Variants in CDC14A observed in about 807,000 individuals in gnomAD.
The protein encoded by CDC14A is dual specificity protein phosphatase CDC14A.
In CDC14A, 53 loss-of-function variants were observed where a neutral mutation model predicts 74.4. The ratio of observed to expected loss-of-function variants is 0.71; its 90% CI spans 0.57 to 0.89. The LOEUF (loss-of-function observed/expected upper bound fraction) is 0.89. CDC14A is among the 40% of genes least tolerant of loss of function. The probability of loss-of-function intolerance (pLI) is 0.00; values close to 1 mark genes in which losing one functional copy is unlikely to be tolerated. For missense variants in CDC14A, 646 were observed against 713.7 expected, an observed-to-expected ratio of 0.91 and a Z score of 1.08; for synonymous variants, 247 against 258.4, an observed-to-expected ratio of 0.96 and a Z score of 0.43.
At chr1:100,448,220 T>G (rs921536964) in intron 7 of CDC14A, among the ~76,000 whole-genome samples, 3 of 152,244 alleles carry the variant, frequency 2.0e-5, no homozygotes, top group Admixed American at 6.5e-5. Context: ...GAAAAATGAC[T>G]TCAAAACTGA....
At chr1:100,496,218 A>C in intron 13 of CDC14A, among the ~76,000 whole-genome samples, 169 bp downstream of exon 13, 1 of 77,182 alleles carries the variant, frequency 1.3e-5, no homozygotes, top group East Asian at 3.8e-4. Context: ...CTCACCATGA[A>C]AAGGATTTTT....
rs966562348 is a variant in CDC14A, at chr1:100,469,727, G to T, written c.977+1633G>T. Among the ~76,000 whole-genome samples the T allele has an allele frequency of 1.1e-4, 17 of 152,132 alleles. 1 individual carries two copies. Among genetic ancestry groups the T allele is most frequent in the Admixed American group, 1.0e-3 (16 of 15,274 alleles). The stretch of plus-strand genomic sequence containing the variant: ...CCAGGCATTCTGCTAAGTACAGCTC[G>T]CAAGGTGAGGAGATATAGCAGAGAA... On this transcript the variant is annotated intron_variant, in intron 10 of 15. Coordinates refer to ENST00000336454, the MANE Select transcript of CDC14A (RefSeq NM_003672.4).
At chr1:100,505,248 G>T (rs1348702991) in intron 15 of CDC14A, among the ~76,000 whole-genome samples, 1 of 152,154 alleles carries the variant, frequency 6.6e-6, no homozygotes, top group African/African-American at 2.4e-5. Flanking sequence ...CTTAAATGTA[G>T]TTCTCTTTTC....
intron 15 of CDC14A, among the ~76,000 whole-genome samples, chr1:100,512,444 G>A (rs1451889252): frequency 6.6e-6 from 1 of 152,114 alleles, no homozygotes; most frequent in East Asian, 1.9e-4. Context: ...TTAATATACG[G>A]TAATCTGGGA....
chr1:100,443,087 T>G lies in CDC14A; in HGVS notation c.519+91T>G, dbSNP rs1182175543. 8.4e-6 allele frequency: 7 copies of G among 835,132 alleles called. No homozygotes were observed. In the African/African-American group the frequency reaches 1.2e-4, roughly 14 times the overall value. The allele number at this position is 835,132 out of a possible 1,614,324, so 51.7% of individuals were successfully genotyped here. On this transcript the variant is annotated intron_variant, in intron 7 of 15. Coordinates refer to ENST00000336454, the MANE Select transcript of CDC14A (RefSeq NM_003672.4). ...ACTCATGTATTGCAAATCGAGTGGG[T>G]GCTAAATAAAAGCATTCTGGAGTTT...
intron 6 of CDC14A, among the ~76,000 whole-genome samples, chr1:100,441,795 A>G (rs928283281): frequency 2.6e-5 from 4 of 152,088 alleles, no homozygotes; most frequent in South Asian, 4.1e-4. Context: ...CTGGGCCCCA[A>G]CCACAGCAAA....
At chr1:100,468,390 C>T (rs1399752683) in intron 10 of CDC14A, among the ~76,000 whole-genome samples, 4 of 152,114 alleles carry the variant, frequency 2.6e-5, no homozygotes, top group African/African-American at 9.7e-5. Flanking sequence ...CTTATGACAT[C>T]CCACTTGGCA....
chr1:100,393,512 C>T (rs1156356613), intron 4 of CDC14A: 6 of 764,022 alleles, frequency 7.9e-6, no homozygotes, highest in Non-Finnish European at 1.5e-5. Flanking sequence ...CATTTCTCAT[C>T]ATGTCAGTTT....
chr1:100,412,774 A>ATATATAT (rs1571116065), intron 4 of CDC14A, among the ~76,000 whole-genome samples: 1 of 127,294 alleles, frequency 7.9e-6, no homozygotes, highest in African/African-American at 3.4e-5. Context: ...TATATTATAT[A>ATATATAT]TATATATATA....
chr1:100,400,391 A>T lies in CDC14A; in HGVS notation c.309+9567A>T, dbSNP rs114840692. ...TCAAAATAATAAAGGCATTTACTTTAAATATTTATTGAACCAATAATATAT... is the reference window on the plus strand; with the variant it reads ...TCAAAATAATAAAGGCATTTACTTTTAATATTTATTGAACCAATAATATAT... On this transcript the variant is annotated intron_variant, in intron 4 of 15. Transcript: ENST00000336454. 3.1e-3 allele frequency among the ~76,000 whole-genome samples: 466 copies of T among 152,360 alleles called. 4 individuals are homozygous for T. Among genetic ancestry groups the T allele is most frequent in the African/African-American group, 0.011 (441 of 41,578 alleles).
At chr1:100,421,768 C>G (rs1399922232) in intron 4 of CDC14A, among the ~76,000 whole-genome samples, 1 of 152,172 alleles carries the variant, frequency 6.6e-6, no homozygotes, top group African/African-American at 2.4e-5. Flanking sequence ...AGAGCAACAA[C>G]GCGAGTTTGG....
intron 15 of CDC14A, among the ~76,000 whole-genome samples, chr1:100,501,452 G>T (rs1028293601): frequency 3.3e-5 from 5 of 152,180 alleles, no homozygotes; most frequent in Admixed American, 1.3e-4. Flanking sequence ...GCCTAGTGAC[G>T]TCGTAGCCCT....
chr1:100,485,437 C>A, intron 11 of CDC14A: 1 of 418,264 alleles, frequency 2.4e-6, no homozygotes, highest in South Asian at 9.9e-5. Flanking sequence ...GTGATGTGTG[C>A]CTGTGTGGTC....
At chr1:100,485,133 G>C in intron 11 of CDC14A, 10 of 985,270 alleles carry the variant, frequency 1.0e-5, no homozygotes, top group Non-Finnish European at 1.2e-5. Context: ...TAAGAATTAG[G>C]ATTATGAGCA....
chr1:100,395,696 T>A (rs1045835234), intron 4 of CDC14A, among the ~76,000 whole-genome samples: 15 of 152,202 alleles, frequency 9.9e-5, no homozygotes, highest in Admixed American at 9.8e-4. Context: ...TTACCCTGTT[T>A]CAAATCTGTT....
chr1:100,348,847 T>G (rs1000642240), upstream of CDC14A, among the ~76,000 whole-genome samples: 4 of 152,234 alleles, frequency 2.6e-5, no homozygotes, highest in African/African-American at 9.6e-5. Flanking sequence ...AAGCACGGGT[T>G]GCAGGGTAGT....
At chr1:100,411,181 A>AT (rs570534173) in intron 4 of CDC14A, among the ~76,000 whole-genome samples, 90 of 152,272 alleles carry the variant, frequency 5.9e-4, no homozygotes, top group African/African-American at 2.1e-3. Flanking sequence ...AGAGCCTCCT[A>AT]TATTATTGGC....
At chr1:100,455,608 A>T in intron 8 of CDC14A, 116 bp downstream of exon 8, 1 of 679,500 alleles carries the variant, frequency 1.5e-6, no homozygotes. Flanking sequence ...ATATTTATTC[A>T]TAATTTAAAA....
chr1:100,432,466 G>C (rs139702608), intron 5 of CDC14A, among the ~76,000 whole-genome samples: 2 of 152,294 alleles, frequency 1.3e-5, no homozygotes, highest in East Asian at 3.9e-4. Flanking sequence ...AACTGAGATA[G>C]ACTGTACATT....
Sources: gnomAD v4.1 joint callset for allele counts (sites outside exome capture counted in the v4.1 genomes callset) on GRCh38, gnomAD v4.1.1 for gene constraint, MANE v1.5 for transcripts, NCBI Gene and HGNC (gene_info 2026-07-23, HGNC 2026-07-21) for gene names.